The following LYPD6 variants were observed in gnomAD, a reference collection of about 807,000 sequenced individuals.
LYPD6 encodes the protein ly6/PLAUR domain-containing protein 6.
LYPD6 carries 15 observed loss-of-function variants against 22.7 expected under a neutral mutation model. The ratio of observed to expected loss-of-function variants is 0.66; its 90% confidence interval spans 0.44 to 1.02. The LOEUF is 1.02. LYPD6 is among the 50% of genes least tolerant of loss of function. The pLI, the probability that LYPD6 is intolerant of heterozygous loss-of-function variation, is 0.00. For missense variants in LYPD6, 189 were observed against 208.4 expected, an observed-to-expected ratio of 0.91 and a Z score of 0.57; for synonymous variants, 72 against 77.5, an observed-to-expected ratio of 0.93 and a Z score of 0.37.
intron 3 of LYPD6, among the ~76,000 whole-genome samples, chr2:149,458,811 C>T (rs1579246): frequency 0.59 from 89,760 of 152,016 alleles, 28,040 homozygotes; most frequent in East Asian, 0.85. Context: ...TAGATGGGCT[C>T]AACAGCAGAA....
rs936962501 is a variant in LYPD6 at position 149,430,185 on chromosome 2, C to T, written c.-71-7453C>T. ...CGTGATCTCGGCTCACTGCAACCTC[C>T]GCCTCCCGGGTTCAAGCAGTTCTCC... On this transcript the variant is annotated intron_variant, in intron 1 of 4. Coordinates refer to ENST00000334166, the MANE Select transcript of LYPD6 (RefSeq NM_194317.5). 5.9e-5 allele frequency among the ~76,000 whole-genome samples: 9 copies of T among 152,106 alleles called. No homozygotes were observed. In the East Asian group the frequency reaches 1.4e-3, roughly 23 times the overall value.
rs1683461832 is a variant in LYPD6 at position 149,437,635 on chromosome 2, C to A, written c.-71-3C>A. 2 of 1,583,880 alleles carry A rather than the reference C, an allele frequency of 1.3e-6. No homozygotes were observed. Among genetic ancestry groups the A allele is most frequent in the African/African-American group, 1.3e-5 (1 of 74,150 alleles). On this transcript the variant is annotated splice_region_variant and splice_polypyrimidine_tract_variant and intron_variant, in intron 1 of 4. Coordinates refer to ENST00000334166, the MANE Select transcript of LYPD6 (RefSeq NM_194317.5). ...CTGAGATGATTCTTTCTTCATTTTT[C>A]AGGTGCAAGTTCTCTCCTGTTGCCC...
At chr2:149,434,960 G>A (rs1683397507) in intron 1 of LYPD6, among the ~76,000 whole-genome samples, 1 of 152,166 alleles carries the variant, frequency 6.6e-6, no homozygotes, top group Admixed American at 6.5e-5. Flanking sequence ...GCTGAAATGT[G>A]TGCCCCCAAA....
intron 1 of LYPD6, among the ~76,000 whole-genome samples, chr2:149,332,886 G>A (rs1169696336): frequency 2.0e-5 from 3 of 152,170 alleles, no homozygotes; most frequent in Admixed American, 1.3e-4. Context: ...AAAGAGATAC[G>A]TTATTTTTGC....
At chr2:149,367,724 C>A (rs1474843432) in intron 1 of LYPD6, 2 of 152,158 alleles carry the variant, frequency 1.3e-5, no homozygotes, top group Non-Finnish European at 2.9e-5. Context: ...GCATGAAAGA[C>A]CAACCACTCT....
intron 1 of LYPD6, among the ~76,000 whole-genome samples, chr2:149,362,904 G>A (rs749684761): frequency 1.3e-5 from 2 of 152,224 alleles, no homozygotes. Context: ...AAACAGTGGC[G>A]CTTCATCTTT....
chr2:149,334,453 A>G (rs765023754), intron 1 of LYPD6, among the ~76,000 whole-genome samples: 4 of 152,236 alleles, frequency 2.6e-5, no homozygotes, highest in Admixed American at 1.3e-4. Context: ...TTCTCAAGCA[A>G]TACACACATT....
chr2:149,368,701 C>T (rs1017580618), intron 1 of LYPD6, among the ~76,000 whole-genome samples: 9 of 151,808 alleles, frequency 5.9e-5, no homozygotes, highest in African/African-American at 1.7e-4. Context: ...GGGTGTTAGG[C>T]GACAAGAAGA....
rs139038911 is a variant in LYPD6, at chr2:149,470,055, G to C, written c.349-628G>C. On this transcript the variant is annotated intron_variant, in intron 4 of 4. Coordinates refer to ENST00000334166, the MANE Select transcript of LYPD6 (RefSeq NM_194317.5). ...ACTCCCAGCTGATGTTGGAGCTGCTGGTCTGTACTTTGTGTAGCCATGCCC... is the reference window on the plus strand; with the variant it reads ...ACTCCCAGCTGATGTTGGAGCTGCTCGTCTGTACTTTGTGTAGCCATGCCC... Among the ~76,000 whole-genome samples, 20 of 152,252 alleles carry C rather than the reference G, an allele frequency of 1.3e-4. 1 individual carries two copies. The East Asian group carries it at 3.9e-3, about 29-fold the overall frequency.
chr2:149,427,916 C>T (rs1203219587), intron 1 of LYPD6, among the ~76,000 whole-genome samples: 6 of 152,244 alleles, frequency 3.9e-5, no homozygotes, highest in Non-Finnish European at 7.3e-5. Flanking sequence ...TGCAATTGAA[C>T]TTTAAATCAA....
At chr2:149,413,726 A>G (rs932932615) in intron 1 of LYPD6, among the ~76,000 whole-genome samples, 3 of 152,214 alleles carry the variant, frequency 2.0e-5, no homozygotes, top group African/African-American at 7.2e-5. Flanking sequence ...AGTGTTGGCC[A>G]GGGTCATTAG....
chr2:149,477,409 G>C (rs1373038517), downstream of LYPD6, among the ~76,000 whole-genome samples: 1 of 152,050 alleles, frequency 6.6e-6, no homozygotes, highest in Non-Finnish European at 1.5e-5. Flanking sequence ...GATCACCTGA[G>C]GTCAGGAGTT....
At chr2:149,421,868 T>C (rs905423347) in intron 1 of LYPD6, among the ~76,000 whole-genome samples, 8 of 152,142 alleles carry the variant, frequency 5.3e-5, no homozygotes, top group Non-Finnish European at 1.2e-4. Flanking sequence ...CTTTTCAAAT[T>C]TGAGAAGGTC....
the LYPD6 span, among the ~76,000 whole-genome samples, chr2:149,480,294 G>A: frequency 4.1e-4 from 63 of 152,242 alleles, no homozygotes; most frequent in African/African-American, 1.5e-3. Context: ...ACAGGCATGA[G>A]CCACCACGCC....
intron 1 of LYPD6, among the ~76,000 whole-genome samples, chr2:149,342,405 G>A (rs887807619): frequency 5.9e-5 from 9 of 152,082 alleles, no homozygotes; most frequent in South Asian, 2.1e-4. Context: ...TTAATTATTC[G>A]TGTGTAATTT....
the LYPD6 span, among the ~76,000 whole-genome samples, chr2:149,484,178 G>T: frequency 6.6e-6 from 1 of 152,182 alleles, no homozygotes; most frequent in Non-Finnish European, 1.5e-5. Context: ...AACTGATTTA[G>T]GTTGAAGTTT....
chr2:149,482,049 A>G, the LYPD6 span, among the ~76,000 whole-genome samples: 1 of 152,088 alleles, frequency 6.6e-6, no homozygotes, highest in Non-Finnish European at 1.5e-5. Flanking sequence ...TTGGAATCCT[A>G]CCCCCAGAGA....
chr2:149,399,404 A>G (rs1682502037), intron 1 of LYPD6, among the ~76,000 whole-genome samples: 1 of 152,132 alleles, frequency 6.6e-6, no homozygotes, highest in South Asian at 2.1e-4. Flanking sequence ...ATAAAAGCAC[A>G]TGTTATTGAG....
intron 1 of LYPD6, among the ~76,000 whole-genome samples, chr2:149,373,850 G>A (rs1363580308): frequency 2.0e-5 from 3 of 152,186 alleles, no homozygotes; most frequent in Non-Finnish European, 4.4e-5. Flanking sequence ...ATTATGTAAT[G>A]TAAAGAGATT....
Sources: gnomAD v4.1 joint callset for allele counts (sites outside exome capture counted in the v4.1 genomes callset) on GRCh38, gnomAD v4.1.1 for gene constraint, MANE v1.5 for transcripts, NCBI Gene and HGNC (gene_info 2026-07-23, HGNC 2026-07-21) for gene names.